SEMA3D: variants seen among roughly 807,000 people sequenced by gnomAD.
SEMA3D encodes the protein semaphorin-3D.
In SEMA3D, 84 loss-of-function variants were observed where a neutral mutation model predicts 100.1. The observed-to-expected ratio is 0.84, with a 90% confidence interval of 0.70 to 1.01. SEMA3D has a LOEUF of 1.01. Ranked by LOEUF, SEMA3D falls within the 50% of genes least tolerant of loss-of-function variation. The pLI, the probability that SEMA3D is intolerant of heterozygous loss-of-function variation, is 0.00. For missense variants in SEMA3D, 875 were observed against 934.1 expected, an observed-to-expected ratio of 0.94 and a Z score of 0.82; for synonymous variants, 312 against 320.7, an observed-to-expected ratio of 0.97 and a Z score of 0.29.
intron 5 of SEMA3D, among the ~76,000 whole-genome samples, chr7:85,078,354 A>C (rs187280031): frequency 1.2e-4 from 18 of 151,978 alleles, no homozygotes; most frequent in Admixed American, 1.1e-3. Context: ...GAAGGAAGGG[A>C]ACGGAAGGAA....
intron 10 of SEMA3D, 29 bp downstream of exon 10, chr7:85,042,142 T>C (rs1790882089): frequency 2.0e-6 from 3 of 1,484,100 alleles, no homozygotes; most frequent in Admixed American, 1.7e-5. Context: ...GTAAGGCCTT[T>C]CCAAGAAAGA....
chr7:85,143,971 A>G (rs1790128665), intron 2 of SEMA3D, among the ~76,000 whole-genome samples: 1 of 152,026 alleles, frequency 6.6e-6, no homozygotes, highest in African/African-American at 2.4e-5. Flanking sequence ...TCTGCCTCCC[A>G]AAGTACTGGG....
chr7:85,245,137 C>G, the SEMA3D span, among the ~76,000 whole-genome samples: 15 of 152,218 alleles, frequency 9.9e-5, no homozygotes, highest in Non-Finnish European at 1.2e-4. Flanking sequence ...GATCCTGAAT[C>G]TAATGTGTGA....
At chr7:85,154,903 A>G (rs752962241) in intron 1 of SEMA3D, among the ~76,000 whole-genome samples, 69 of 152,168 alleles carry the variant, frequency 4.5e-4, no homozygotes, top group Non-Finnish European at 8.4e-4. Flanking sequence ...CTCAGATGTC[A>G]TTATTTTTAA....
chr7:85,156,010 A>G (rs1790585277), intron 1 of SEMA3D, among the ~76,000 whole-genome samples: 1 of 152,050 alleles, frequency 6.6e-6, no homozygotes, highest in Non-Finnish European at 1.5e-5. Flanking sequence ...TGTTAGTTTT[A>G]TCACCTATTT....
At chr7:85,079,389 A>G (rs1787986296) in intron 5 of SEMA3D, among the ~76,000 whole-genome samples, 1 of 152,174 alleles carries the variant, frequency 6.6e-6, no homozygotes, top group Non-Finnish European at 1.5e-5. Context: ...TACAGACTTC[A>G]GCAAAAAGCA....
intron 9 of SEMA3D, 83 bp from the exon 10 acceptor site, chr7:85,042,368 G>T: frequency 1.1e-6 from 1 of 913,974 alleles, no homozygotes; most frequent in Non-Finnish European, 1.8e-6. Flanking sequence ...TACAGGTAGT[G>T]TCTTATTGAT....
intron 3 of SEMA3D, among the ~76,000 whole-genome samples, chr7:85,120,623 A>G (rs1261131231): frequency 6.7e-6 from 1 of 148,480 alleles, no homozygotes; most frequent in Non-Finnish European, 1.5e-5. Flanking sequence ...AGCCGAGATC[A>G]TGCCCTGCCC....
intron 3 of SEMA3D, among the ~76,000 whole-genome samples, chr7:85,110,219 C>CA (rs1789055214): frequency 6.6e-6 from 1 of 151,882 alleles, no homozygotes; most frequent in Admixed American, 6.6e-5. Flanking sequence ...TGTGAAGCTC[C>CA]ATAGACCAAT....
the SEMA3D span, among the ~76,000 whole-genome samples, chr7:85,224,583 A>G: frequency 2.6e-5 from 4 of 152,182 alleles, no homozygotes; most frequent in Non-Finnish European, 5.9e-5. Context: ...TGTTAGATGA[A>G]TGTGCATATT....
At chr7:85,198,279 A>T in the SEMA3D span, among the ~76,000 whole-genome samples, 2 of 152,088 alleles carry the variant, frequency 1.3e-5, no homozygotes. Flanking sequence ...TTTATCACTG[A>T]TACTGATAAG....
chr7:85,153,802 G>A (rs973139380), intron 1 of SEMA3D, 63 bp from the exon 2 acceptor site: 1 of 152,160 alleles, frequency 6.6e-6, no homozygotes, highest in Non-Finnish European at 1.5e-5. Context: ...CCAGGACCAG[G>A]AAAGTCAGAT....
At chr7:85,039,654 C>T (rs1242649439) in intron 11 of SEMA3D, among the ~76,000 whole-genome samples, 6 of 152,144 alleles carry the variant, frequency 3.9e-5, no homozygotes, top group African/African-American at 1.4e-4. Flanking sequence ...GAGTAGAAAA[C>T]ATGAAATTGT....
At chr7:85,121,070 C>G (rs1252374098) in intron 3 of SEMA3D, among the ~76,000 whole-genome samples, 4 of 152,058 alleles carry the variant, frequency 2.6e-5, no homozygotes, top group Non-Finnish European at 5.9e-5. Context: ...GTTTTATTCT[C>G]CCTACATCCC....
the SEMA3D span, among the ~76,000 whole-genome samples, chr7:85,228,557 G>T: frequency 1.3e-5 from 2 of 151,976 alleles, no homozygotes; most frequent in African/African-American, 2.4e-5. Context: ...TGCCCTCCAG[G>T]CCATAGAGTC....
At chr7:85,131,370 T>C (rs1272404484) in intron 2 of SEMA3D, among the ~76,000 whole-genome samples, 1 of 152,142 alleles carries the variant, frequency 6.6e-6, no homozygotes, top group Non-Finnish European at 1.5e-5. Context: ...AATCTGATTA[T>C]GAAGGATATA....
rs980901652 is a variant in SEMA3D at position 85,025,355 on chromosome 7, A to C, written c.1192-2742T>G. ...CTGCCTAGACACACCCTGAGATGAA[A>C]GTGGAAACCCAACAGCAACCAGCCC... On this transcript the variant is annotated intron_variant, in intron 12 of 18. Coordinates refer to ENST00000284136, the MANE Select transcript of SEMA3D (RefSeq NM_001384900.1). 4.6e-5 allele frequency among the ~76,000 whole-genome samples: 7 copies of C among 152,140 alleles called. No homozygotes were observed. The East Asian group carries it at 1.4e-3, about 30-fold the overall frequency.
chr7:85,097,413 A>G (rs967025338), intron 4 of SEMA3D, among the ~76,000 whole-genome samples: 2 of 151,842 alleles, frequency 1.3e-5, no homozygotes, highest in African/African-American at 2.4e-5. Context: ...TTATTTGTGA[A>G]CTGAAAGTTA....
intron 12 of SEMA3D, among the ~76,000 whole-genome samples, chr7:85,034,931 A>G (rs113737935): frequency 6.6e-6 from 1 of 152,268 alleles, no homozygotes; most frequent in African/African-American, 2.4e-5. Flanking sequence ...AAAATTAAAA[A>G]TAGAACTACT....
Sources: allele counts gnomAD v4.1 joint callset (sites outside exome capture counted in the v4.1 genomes callset), GRCh38; gene constraint gnomAD v4.1.1; transcripts MANE v1.5; gene names NCBI Gene and HGNC (gene_info 2026-07-23, HGNC 2026-07-21).